The following ALDH9A1 variants were observed in gnomAD, a reference collection of about 807,000 sequenced individuals.
ALDH9A1 encodes 4-trimethylaminobutyraldehyde dehydrogenase.
Under a neutral mutation model 56.6 loss-of-function variants are expected in ALDH9A1, and 42 were observed. That is an observed-to-expected ratio of 0.74 (90% CI 0.58 to 0.96). ALDH9A1 has a LOEUF of 0.96. ALDH9A1 is among the 40% of genes least tolerant of loss of function. ALDH9A1 has a pLI of 0.00. For synonymous variants in ALDH9A1, 242 were observed against 236.0 expected (o/e 1.03, Z -0.23); for missense variants, 661 against 651.5 (o/e 1.01, Z -0.16).
At position 165,663,134 on chromosome 1, in the gene ALDH9A1, T is replaced by C. The variant is rs61757687; in HGVS notation, c.1473A>G (p.Arg491=). 10 of 1,613,888 alleles carry C rather than the reference T, an allele frequency of 6.2e-6. No individual in the cohort carries two copies. The highest frequency in any genetic ancestry group is 8.5e-6 in the Non-Finnish European group (10 of 1,179,906). ...FGGYKKSGFG[R]ENGRVTIEYY... ...ATTCGATTGTCACACGGCCGTTCTC[T>C]CTGCCAAATCCTGAAAGGAGGAGAA... is the stretch of plus-strand genomic sequence containing the variant. The change falls in exon 11 of 11, where the codon AGA becomes AGG. Residue 491 remains arginine (R), a synonymous_variant. Coordinates refer to ENST00000354775, the MANE Select transcript of ALDH9A1 (RefSeq NM_000696.4).
At chr1:165,669,471 A>G (rs1649109221) in intron 6 of ALDH9A1, 21 bp from the exon 7 acceptor site, 7 of 1,585,154 alleles carry the variant, frequency 4.4e-6, no homozygotes, top group Non-Finnish European at 6.0e-6. Flanking sequence ...AACACAAGAC[A>G]TCAATTTCTA....
rs760573734 is a variant in ALDH9A1 at position 165,695,307 on chromosome 1, T to C, written c.272A>G (p.Gln91Arg). The part of the protein sequence containing the change: ...NAKAAFKIWS[Q>R]KSGMERCRIL... ...TCGGCAACGCTCCATGCCAGATTTT[T>C]GACTCCATATTTTAAAAGCAGCCTT... The change falls in exon 2 of 11, where the codon CAA becomes CGA. Residue 91 changes from glutamine (Q) to arginine (R), a missense_variant. Physicochemically the swap from Gln to Arg is conservative, Grantham distance 43. Coordinates refer to ENST00000354775, the MANE Select transcript of ALDH9A1 (RefSeq NM_000696.4). 1.9e-6 allele frequency: 3 copies of C among 1,613,376 alleles called. No homozygotes were observed. The highest frequency in any genetic ancestry group is 2.2e-5 in the East Asian group (1 of 44,778).
In ALDH9A1 at chr1:165,669,332, C is replaced by T; in HGVS notation, c.1049G>A (p.Arg350Lys). 1 of 1,614,034 alleles carries T rather than the reference C, an allele frequency of 6.2e-7. No individual in the cohort carries two copies. The highest frequency in any genetic ancestry group is 8.5e-7 in the Non-Finnish European group (1 of 1,179,954). The stretch of plus-strand genomic sequence containing the variant: ...TGGTCGGTTGATGAGTGGACCCATC[C>T]TTGTATCTTCCAGAAGGGGATCTCC... ...KIGDPLLEDT[R>K]MGPLINRPHL... Residue 350 changes from arginine (R) to lysine (K), a missense_variant, in exon 7 of 11, where the codon AGG (arginine) becomes AAG (lysine). Transcript: ENST00000354775.
chr1:165,677,445 A>G (rs1317559323), intron 6 of ALDH9A1, among the ~76,000 whole-genome samples: 2 of 152,226 alleles, frequency 1.3e-5, no homozygotes, highest in Non-Finnish European at 2.9e-5. Context: ...CAGGGGAAGT[A>G]TGAGTCTGGA....
intron 9 of ALDH9A1, among the ~76,000 whole-genome samples, chr1:165,666,706 C>T (rs1202474248): frequency 6.6e-6 from 1 of 152,114 alleles, no homozygotes; most frequent in African/African-American, 2.4e-5. Flanking sequence ...AGTGTAAAGC[C>T]GCTTTAGCAA....
At chr1:165,690,357 T>C (rs939532681) in intron 2 of ALDH9A1, among the ~76,000 whole-genome samples, 9 of 151,996 alleles carry the variant, frequency 5.9e-5, no homozygotes, top group Non-Finnish European at 1.3e-4. Context: ...GATTCTTATT[T>C]TGATGTATTC....
chr1:165,669,130 A>AAC, intron 7 of ALDH9A1, 117 bp from the exon 8 acceptor site: 3 of 1,324,712 alleles, frequency 2.3e-6, no homozygotes, highest in Non-Finnish European at 3.1e-6. Flanking sequence ...TACAAAGCAG[A>AAC]ACACAGCCAG....
intron 2 of ALDH9A1, 95 bp downstream of exon 2, chr1:165,695,157 T>G: frequency 1.5e-6 from 2 of 1,357,738 alleles, no homozygotes; most frequent in Non-Finnish European, 2.0e-6. Flanking sequence ...ATAAAAACGT[T>G]ACGGCCTAAT....
chr1:165,690,380 T>C (rs1170308890), intron 2 of ALDH9A1, among the ~76,000 whole-genome samples: 1 of 152,064 alleles, frequency 6.6e-6, no homozygotes, highest in Non-Finnish European at 1.5e-5. Flanking sequence ...TTCTGAATTT[T>C]CTTTCTATAA....
At chr1:165,689,950 TA>T (rs376920451) in intron 2 of ALDH9A1, among the ~76,000 whole-genome samples, 197 of 15,448 alleles carry the variant, frequency 0.013, 1 homozygote, top group East Asian at 0.12. Context: ...AAAATAATAA[TA>T]AATAAACAGA....
chr1:165,663,162 G>C lies in ALDH9A1; in HGVS notation c.1463-18C>G. 6.2e-7 allele frequency: 1 copy of C among 1,604,568 alleles called. No homozygotes were observed. Among genetic ancestry groups the C allele is most frequent in the Non-Finnish European group, 8.5e-7 (1 of 1,171,420 alleles). ...GCCAAATCCTGAAAGGAGGAGAAGG[G>C]GTCAGGTTGAGCCATCACTACAATA... On this transcript the variant is annotated intron_variant, in intron 10 of 10. Transcript: ENST00000354775.
rs947541347 is a variant in ALDH9A1 at position 165,695,359 on chromosome 1, C to T, written c.220G>A (p.Glu74Lys). ...GCATTTTGAACAGCCAAATTTACTTCCTTTTCTCCTGAACATGTGAAAGTA... is the reference window on the plus strand; with the variant it reads ...GCATTTTGAACAGCCAAATTTACTTTCTTTTCTCCTGAACATGTGAAAGTA... ...IATFTCSGEK[E>K]VNLAVQNAKA... is the part of the protein sequence containing the mutation. The change falls in exon 2 of 11, where the codon GAA (glutamate) becomes AAA (lysine). Residue 74 changes from glutamate to lysine, a missense_variant. Transcript: ENST00000354775. 1 of 1,613,082 alleles carries T rather than the reference C, an allele frequency of 6.2e-7. No individual in the cohort carries two copies. Among genetic ancestry groups the T allele is most frequent in the Non-Finnish European group, 8.5e-7 (1 of 1,179,578 alleles).
chr1:165,689,729 T>C (rs1472378956), intron 2 of ALDH9A1, among the ~76,000 whole-genome samples: 2 of 151,508 alleles, frequency 1.3e-5, no homozygotes, highest in African/African-American at 4.9e-5. Flanking sequence ...AGGTCAGGAG[T>C]TTGAGACGAG....
Position 165,682,256 on chromosome 1 carries a change from G to A in ALDH9A1, c.458-15C>T. On this transcript the variant is annotated splice_polypyrimidine_tract_variant and intron_variant, in intron 3 of 10. Coordinates refer to ENST00000354775, the MANE Select transcript of ALDH9A1 (RefSeq NM_000696.4). The stretch of plus-strand genomic sequence containing the variant: ...GATGTGTTCACCTATGGGGAAAACA[G>A]GAGTAAAGGAGGATGCAGGTCTGTG... The A allele has an allele frequency of 6.2e-7, 1 of 1,612,004 alleles. No homozygotes were observed. Among genetic ancestry groups the A allele is most frequent in the South Asian group, 1.1e-5 (1 of 90,970 alleles).
At chr1:165,667,831 A>C (rs570370103) in intron 8 of ALDH9A1, among the ~76,000 whole-genome samples, 6 of 152,326 alleles carry the variant, frequency 3.9e-5, no homozygotes, top group African/African-American at 1.4e-4. Flanking sequence ...TATTAACCTT[A>C]GGGGCAAAAA....
At chr1:165,694,208 T>TA (rs755415401) in intron 2 of ALDH9A1, among the ~76,000 whole-genome samples, 1,420 of 114,548 alleles carry the variant, frequency 0.012, 14 homozygotes, top group African/African-American at 0.017. Context: ...AACTTAAGTA[T>TA]AAAAAAAAAA....
intron 6 of ALDH9A1, among the ~76,000 whole-genome samples, chr1:165,678,164 T>C (rs1197518432): frequency 6.6e-6 from 1 of 151,934 alleles, no homozygotes; most frequent in Non-Finnish European, 1.5e-5. Context: ...TGAAACTCTG[T>C]CTCTACTAAA....
chr1:165,692,735 A>G (rs1649934793), intron 2 of ALDH9A1, among the ~76,000 whole-genome samples: 1 of 150,844 alleles, frequency 6.6e-6, no homozygotes, highest in Non-Finnish European at 1.5e-5. Flanking sequence ...ATATGGAACC[A>G]AAAAAGAGCC....
intron 6 of ALDH9A1, among the ~76,000 whole-genome samples, chr1:165,669,724 C>T (rs1312060860): frequency 6.6e-6 from 1 of 151,944 alleles, no homozygotes; most frequent in South Asian, 2.1e-4. Flanking sequence ...TTACTAGATC[C>T]ATATAACCCA....
Sources: gnomAD v4.1 joint callset for allele counts (sites outside exome capture counted in the v4.1 genomes callset) on GRCh38, gnomAD v4.1.1 for gene constraint, MANE v1.5 for transcripts, NCBI Gene and HGNC (gene_info 2026-07-23, HGNC 2026-07-21) for gene names.